Variants in APPL2 observed in about 807,000 individuals in gnomAD.
APPL2 encodes the protein DCC-interacting protein 13-beta.
A neutral mutation model predicts 92.7 loss-of-function variants in APPL2; 84 were observed. That is an observed-to-expected ratio of 0.91 (90% CI 0.76 to 1.09). The LOEUF (loss-of-function observed/expected upper bound fraction) is 1.09, where lower values mean the gene tolerates loss of function less well. APPL2 is among the 50% of genes least tolerant of loss of function. The pLI is 0.00. For synonymous variants in APPL2, 291 were observed against 291.0 expected (o/e 1.00, Z 0.00); for missense variants, 736 against 824.5 (o/e 0.89, Z 1.31).
intron 14 of APPL2, among the ~76,000 whole-genome samples, chr12:105,192,598 T>G (rs1170866451): frequency 1.3e-5 from 2 of 152,182 alleles, no homozygotes; most frequent in African/African-American, 2.4e-5. Flanking sequence ...TACTTCTGGC[T>G]CTTTGCAAGA....
At chr12:105,203,306 CA>C in intron 9 of APPL2, 1 of 169,590 alleles carries the variant, frequency 5.9e-6, no homozygotes. Flanking sequence ...AAATTAATTC[CA>C]AAAAGGCTCT....
intron 8 of APPL2, among the ~76,000 whole-genome samples, chr12:105,205,662 C>T (rs761076706): frequency 6.6e-6 from 1 of 152,234 alleles, no homozygotes; most frequent in Non-Finnish European, 1.5e-5. Flanking sequence ...CCCTTCCCGA[C>T]CCTAGGCCTC....
chr12:105,186,618 T>TAC (rs1566055865), intron 17 of APPL2, among the ~76,000 whole-genome samples: 9 of 107,672 alleles, frequency 8.4e-5, no homozygotes, highest in Non-Finnish European at 1.6e-4. Context: ...ATATATATCA[T>TAC]ATATATATCA....
intron 16 of APPL2, among the ~76,000 whole-genome samples, chr12:105,188,771 G>A (rs78590600): frequency 6.6e-6 from 1 of 152,176 alleles, no homozygotes; most frequent in African/African-American, 2.4e-5. Context: ...TGAAAAGAGT[G>A]AGTTCACTAG....
intron 1 of APPL2, among the ~76,000 whole-genome samples, chr12:105,235,549 C>G (rs1385766386): frequency 6.6e-6 from 1 of 152,198 alleles, no homozygotes; most frequent in Admixed American, 6.5e-5. Context: ...ACAGGTATTT[C>G]TCATTGACTT....
chr12:105,222,858 G>A (rs781274068), intron 2 of APPL2, among the ~76,000 whole-genome samples: 16 of 152,216 alleles, frequency 1.1e-4, no homozygotes, highest in Non-Finnish European at 1.6e-4. Flanking sequence ...GAGGAGGAAG[G>A]AAGAAAAGGT....
At chr12:105,208,074 A>C (rs767252848) in intron 6 of APPL2, 45 bp from the exon 7 acceptor site, 1 of 1,613,854 alleles carries the variant, frequency 6.2e-7, no homozygotes, top group South Asian at 1.1e-5. Flanking sequence ...GTCAGGGTCG[A>C]AAGGGAAGAA....
chr12:105,214,363 C>G (rs1215166768), intron 4 of APPL2, among the ~76,000 whole-genome samples: 3 of 152,196 alleles, frequency 2.0e-5, no homozygotes, highest in Non-Finnish European at 4.4e-5. Context: ...TCTTCTCAAG[C>G]AAACATGTGA....
intron 2 of APPL2, among the ~76,000 whole-genome samples, chr12:105,225,444 A>G (rs910187496): frequency 1.3e-5 from 2 of 152,234 alleles, no homozygotes; most frequent in African/African-American, 4.8e-5. Flanking sequence ...CTCTTTAGGA[A>G]AGAAGAATAT....
intron 9 of APPL2, among the ~76,000 whole-genome samples, chr12:105,202,103 C>T (rs1250363489): frequency 6.6e-6 from 1 of 152,208 alleles, no homozygotes; most frequent in Non-Finnish European, 1.5e-5. Flanking sequence ...AAATAGCATT[C>T]AAAACAGTAC....
chr12:105,216,009 A>G (rs1343852397), intron 4 of APPL2, among the ~76,000 whole-genome samples: 2 of 152,226 alleles, frequency 1.3e-5, no homozygotes, highest in Non-Finnish European at 2.9e-5. Flanking sequence ...CCTGGGAAAC[A>G]GAGCGAGACT....
Position 105,174,394 on chromosome 12 carries a change from T to G in APPL2, c.1915A>C (p.Lys639Gln), listed in dbSNP as rs1161514355. ...MLSIPLTNDG[K>Q]YVLLNDQPDD... Reference sequence around the variant, plus strand: ...GGTTGATCGTTTAACAGTACATATTTTCCGTCATTGGTTAGTGGTATGGAC... The same window carrying G: ...GGTTGATCGTTTAACAGTACATATTGTCCGTCATTGGTTAGTGGTATGGAC... The change falls in exon 21 of 21, where the codon AAA (lysine) becomes CAA (glutamine). Residue 639 changes from lysine (K) to glutamine (Q), a missense_variant. Coordinates refer to ENST00000258530, the MANE Select transcript of APPL2 (RefSeq NM_018171.5). The G allele has an allele frequency of 6.2e-7, 1 of 1,613,944 alleles. No homozygotes were observed. The highest frequency in any genetic ancestry group is 1.3e-5 in the African/African-American group (1 of 74,918).
Position 105,217,663 on chromosome 12 carries a change from T to TA in APPL2, c.213+2dup. 1 of 1,613,972 alleles carries TA rather than the reference T, an allele frequency of 6.2e-7. No individual in the cohort carries two copies. The highest frequency in any genetic ancestry group is 1.6e-4 in the Middle Eastern group (1 of 6,062). ...ATCACAGGCCACATAAATACCAAGT[T>TA]ACCTGTTTTTCATATGCCAGCAGTT... On this transcript the variant is annotated splice_region_variant and intron_variant, in intron 3 of 20. Coordinates refer to ENST00000258530, the MANE Select transcript of APPL2 (RefSeq NM_018171.5).
At chr12:105,229,895 C>T (rs1890795630) in intron 1 of APPL2, 1 of 375,656 alleles carries the variant, frequency 2.7e-6, no homozygotes, top group African/African-American at 2.2e-5. Context: ...TCTCTTGCCT[C>T]AGCCTCCTGA....
intron 1 of APPL2, among the ~76,000 whole-genome samples, chr12:105,230,608 C>T (rs1317333537): frequency 1.3e-5 from 2 of 152,190 alleles, no homozygotes; most frequent in Admixed American, 6.5e-5. Context: ...CTTTTTCTAA[C>T]TTATTTCAGG....
chr12:105,203,782 TA>T lies in APPL2; in HGVS notation c.624del (p.Asn209ThrfsTer30), dbSNP rs1161474454. On this transcript the variant is annotated frameshift_variant and splice_region_variant, in exon 9 of 21. Coordinates refer to ENST00000258530, the MANE Select transcript of APPL2 (RefSeq NM_018171.5). LOFTEE classifies it high-confidence loss of function. ...ATCTCTGCTCCCTTCTTAAAAAAGTTAATCTGAAAGATATAATTATAATATT... is the reference window on the plus strand; with the variant it reads ...ATCTCTGCTCCCTTCTTAAAAAAGTTATCTGAAAGATATAATTATAATATT... Reference protein sequence around the residue: ...EPMIGFAHGQINFFKKGAEMF... With the variant: ...EPMIGFAHGQXNFFKKGAEMF... 4.3e-6 allele frequency: 7 copies of T among 1,610,684 alleles called. No homozygotes were observed. Among genetic ancestry groups the T allele is most frequent in the Non-Finnish European group, 5.9e-6 (7 of 1,176,944 alleles).
intron 5 of APPL2, among the ~76,000 whole-genome samples, chr12:105,208,877 G>A (rs1277937374): frequency 6.6e-6 from 1 of 152,144 alleles, no homozygotes; most frequent in South Asian, 2.1e-4. Flanking sequence ...CTAAAAGAAA[G>A]TGACACTTTC....
chr12:105,208,090 A>G, intron 6 of APPL2, 61 bp from the exon 7 acceptor site: 1 of 1,613,288 alleles, frequency 6.2e-7, no homozygotes, highest in Non-Finnish European at 8.5e-7. Context: ...AAGAACATTC[A>G]TTGGGGGTCT....
rs534637663 is a variant in APPL2 at position 105,234,859 on chromosome 12, A to C, written c.54+1100T>G. On this transcript the variant is annotated intron_variant, in intron 1 of 20. Transcript: ENST00000258530. ...CAAAAAACAAAACAAACAAACAAAA[A>C]ACACACACACAGCTTGCTTCCAGTT... Among the ~76,000 whole-genome samples the C allele has an allele frequency of 2.6e-5, 4 of 152,244 alleles. No homozygotes were observed. The East Asian group carries it at 7.7e-4, about 29-fold the overall frequency.
Sources: allele counts gnomAD v4.1 joint callset (sites outside exome capture counted in the v4.1 genomes callset), GRCh38; gene constraint gnomAD v4.1.1; transcripts MANE v1.5; gene names NCBI Gene and HGNC (gene_info 2026-07-23, HGNC 2026-07-21).